The following MAP3K8 variants were observed in gnomAD, a reference collection of about 807,000 sequenced individuals.
MAP3K8 encodes the protein mitogen-activated protein kinase kinase kinase 8, also known as Ewing sarcoma transformant.
In MAP3K8, 22 loss-of-function variants were observed where a neutral mutation model predicts 45.8. The ratio of observed to expected loss-of-function variants is 0.48; its 90% CI spans 0.34 to 0.69. MAP3K8 has a LOEUF of 0.69. Among genes scored for constraint, MAP3K8 ranks in the 30% least tolerant of loss-of-function variants. The pLI is 0.01. For missense variants in MAP3K8, 419 were observed against 585.0 expected, an observed-to-expected ratio of 0.72 and a Z score of 2.93; for synonymous variants, 223 against 214.3, an observed-to-expected ratio of 1.04 and a Z score of -0.36.
chr10:30,450,095 A>G (rs1588781663), intron 4 of MAP3K8, among the ~76,000 whole-genome samples, 163 bp from the exon 5 acceptor site: 2 of 152,254 alleles, frequency 1.3e-5, no homozygotes, highest in Admixed American at 6.5e-5. Context: ...TTAAAGGCAG[A>G]TCTGAGGTGA....
At chr10:30,458,393 G>A (rs1052357776) in intron 7 of MAP3K8, among the ~76,000 whole-genome samples, 157 bp downstream of exon 7, 115 of 152,302 alleles carry the variant, frequency 7.6e-4, no homozygotes, top group African/African-American at 2.4e-3. Context: ...CCATGTAGAA[G>A]CAAGCTCCAT....
chr10:30,454,565 TA>T (rs5784200), intron 6 of MAP3K8, among the ~76,000 whole-genome samples: 98,673 of 140,378 alleles, frequency 0.7, 37,790 homozygotes, highest in East Asian at 0.92. Context: ...GACCTTGTCC[TA>T]AAAAAAAAAA....
At chr10:30,460,063 G>A (rs1026593889) in intron 8 of MAP3K8, among the ~76,000 whole-genome samples, 2 of 152,022 alleles carry the variant, frequency 1.3e-5, no homozygotes, top group African/African-American at 2.4e-5. Flanking sequence ...GGCTGGTCTC[G>A]AACTCCTGAC....
chr10:30,458,544 G>T (rs1564374607), intron 7 of MAP3K8, among the ~76,000 whole-genome samples: 1 of 152,238 alleles, frequency 6.6e-6, no homozygotes, highest in Non-Finnish European at 1.5e-5. Flanking sequence ...AGCAAAGGAA[G>T]TTGTATGTGT....
chr10:30,461,384 T>C lies in MAP3K8; in HGVS notation c.*548T>C, dbSNP rs958822992. 1.2e-4 allele frequency: 24 copies of C among 206,196 alleles called. No individual in the cohort carries two copies. The highest frequency in any genetic ancestry group is 5.2e-4 in the African/African-American group (23 of 43,866). The allele number at this position is 206,196 out of a possible 1,614,324, so 12.8% of individuals were successfully genotyped here. On this transcript the variant is annotated 3_prime_UTR_variant, in exon 9 of 9. Transcript: ENST00000263056. Reference sequence around the variant, plus strand: ...TAGTGTCCTAAAAATGGCTAACTGATGAATTAGAAGCCATCTGACAGCAGG... The same window carrying C: ...TAGTGTCCTAAAAATGGCTAACTGACGAATTAGAAGCCATCTGACAGCAGG...
At chr10:30,451,174 A>AT (rs1463735520) in intron 5 of MAP3K8, among the ~76,000 whole-genome samples, 1 of 151,856 alleles carries the variant, frequency 6.6e-6, no homozygotes, top group Non-Finnish European at 1.5e-5. Flanking sequence ...TACCTTTTTC[A>AT]TTTTTTATAC....
At chr10:30,438,476 CAGAGG>C (rs1564363201) in intron 2 of MAP3K8, among the ~76,000 whole-genome samples, 1 of 152,128 alleles carries the variant, frequency 6.6e-6, no homozygotes, top group Non-Finnish European at 1.5e-5. Flanking sequence ...TTAAAGTCAC[CAGAGG>C]CATAAAAAAG....
At position 30,439,266 on chromosome 10, in the gene MAP3K8, T is replaced by C; in HGVS notation, c.328T>C (p.Leu110=). 1.2e-6 allele frequency: 2 copies of C among 1,614,234 alleles called. No homozygotes were observed. The highest frequency in any genetic ancestry group is 1.7e-6 in the Non-Finnish European group (2 of 1,180,046). The change falls in exon 3 of 9, where the codon TTA becomes CTA. Residue 110 remains leucine (L), a synonymous_variant. Transcript: ENST00000263056. ...GQRPQESGIL[L]NMVITPQNGR... ...ACGACCACAGGAATCTGGAATTTTA[T>C]TAAACATGGTACGTTTCTTTCCGAT...
intron 6 of MAP3K8, among the ~76,000 whole-genome samples, chr10:30,452,690 TTTG>T (rs1836592446): frequency 6.6e-6 from 1 of 152,096 alleles, no homozygotes. Flanking sequence ...TGTTTTTGTT[TTTG>T]TTTTTGAGAC....
At position 30,460,869 on chromosome 10, in the gene MAP3K8, A is replaced by G. The variant is rs1271224284; in HGVS notation, c.*33A>G. On this transcript the variant is annotated 3_prime_UTR_variant, in exon 9 of 9. Transcript: ENST00000263056. Reference sequence around the variant, plus strand: ...CATGTTTGCTCTAAATTAAGACAGCATTGATCTCCTGGAGGCTGGTTCTGC... The same window carrying G: ...CATGTTTGCTCTAAATTAAGACAGCGTTGATCTCCTGGAGGCTGGTTCTGC... The G allele has an allele frequency of 1.2e-6, 2 of 1,610,630 alleles. No homozygotes were observed. The highest frequency in any genetic ancestry group is 3.3e-5 in the Admixed American group (2 of 59,882).
chr10:30,435,229 G>A (rs921921690), intron 1 of MAP3K8, among the ~76,000 whole-genome samples: 18 of 152,182 alleles, frequency 1.2e-4, no homozygotes, highest in African/African-American at 4.1e-4. Flanking sequence ...GGACAGAAAG[G>A]CTCTTGCAGT....
In MAP3K8 at chr10:30,451,828, G is replaced by A. The variant is rs73247425; in HGVS notation, c.873+84G>A. Reference sequence around the variant, plus strand: ...TTCTAGAATTATTGTGGGAACGAAGGACAAAGAAGGGGAAGAAACCCACTG... The same window carrying A: ...TTCTAGAATTATTGTGGGAACGAAGAACAAAGAAGGGGAAGAAACCCACTG... On this transcript the variant is annotated intron_variant, in intron 6 of 8. Coordinates refer to ENST00000263056, the MANE Select transcript of MAP3K8 (RefSeq NM_005204.4). The A allele has an allele frequency of 2.2e-3, 1,590 of 723,270 alleles. 16 individuals are homozygous for A. In the African/African-American group the frequency reaches 0.026, roughly 12 times the overall value. The allele number at this position is 723,270 out of a possible 1,614,324, so 44.8% of individuals were successfully genotyped here.
Position 30,460,901 on chromosome 10 carries a change from T to C in MAP3K8, c.*65T>C. 6.3e-7 allele frequency: 1 copy of C among 1,594,670 alleles called. No individual in the cohort carries two copies. Among genetic ancestry groups the C allele is most frequent in the Non-Finnish European group, 8.5e-7 (1 of 1,172,708 alleles). On this transcript the variant is annotated 3_prime_UTR_variant, in exon 9 of 9. Transcript: ENST00000263056. ...TCCTGGAGGCTGGTTCTGCTGCCTC[T>C]ACACAGGGGCCCTGTACAGTGAATG...
rs570187696 is a variant in MAP3K8, at chr10:30,460,921, T to G, written c.*85T>G. The G allele has an allele frequency of 3.6e-3, 5,414 of 1,502,308 alleles. 16 individuals are homozygous for G. The highest frequency in any genetic ancestry group is 4.5e-3 in the Non-Finnish European group (5,003 of 1,121,434). 93.1% of individuals were successfully genotyped at this position (1,502,308 alleles called of 1,614,324 possible). A position where few individuals can be genotyped will look rare whatever the true frequency, so the allele number is the denominator to read the frequency against. ...GCCTCTACACAGGGGCCCTGTACAGTGAATGGTGCCATTTTCGAAGGAGCA... is the reference window on the plus strand; with the variant it reads ...GCCTCTACACAGGGGCCCTGTACAGGGAATGGTGCCATTTTCGAAGGAGCA... On this transcript the variant is annotated 3_prime_UTR_variant, in exon 9 of 9. Transcript: ENST00000263056.
chr10:30,457,008 C>T (rs190876106), intron 6 of MAP3K8, among the ~76,000 whole-genome samples: 384 of 151,628 alleles, frequency 2.5e-3, no homozygotes, highest in African/African-American at 7.9e-3. Context: ...AGCTTGAACC[C>T]GGGAGGCAGA....
intron 3 of MAP3K8, among the ~76,000 whole-genome samples, chr10:30,442,643 G>C (rs1836153583): frequency 6.6e-6 from 1 of 152,200 alleles, no homozygotes; most frequent in African/African-American, 2.4e-5. Context: ...TTGGGTAAGA[G>C]TGCTGCATGT....
intron 6 of MAP3K8, among the ~76,000 whole-genome samples, chr10:30,454,673 GTTA>G (rs1018078995): frequency 2.0e-5 from 3 of 151,712 alleles, no homozygotes; most frequent in Non-Finnish European, 4.4e-5. Context: ...TATTACTGAA[GTTA>G]TTATTGAAAA....
chr10:30,456,823 C>T (rs1486153598), intron 6 of MAP3K8, among the ~76,000 whole-genome samples: 1 of 152,044 alleles, frequency 6.6e-6, no homozygotes, highest in Admixed American at 6.5e-5. Flanking sequence ...CAGTGGCTCA[C>T]GCCTGTAATC....
At chr10:30,438,196 T>C (rs941933921) in intron 2 of MAP3K8, among the ~76,000 whole-genome samples, 3 of 152,236 alleles carry the variant, frequency 2.0e-5, no homozygotes, top group African/African-American at 7.2e-5. Context: ...TGCTTTGCAC[T>C]ATTAAAGAAT....
Sources: gnomAD v4.1 joint callset for allele counts (sites outside exome capture counted in the v4.1 genomes callset) on GRCh38, gnomAD v4.1.1 for gene constraint, MANE v1.5 for transcripts, NCBI Gene and HGNC (gene_info 2026-07-23, HGNC 2026-07-21) for gene names.